Variants in SGCD observed in about 807,000 individuals in gnomAD.
SGCD encodes the protein sarcoglycan delta, also known as delta-sarcoglycan.
Under a neutral mutation model 36.6 loss-of-function variants are expected in SGCD, and 18 were observed. The observed-to-expected ratio is 0.49, with a 90% CI of 0.34 to 0.73. SGCD has a LOEUF of 0.73. Among genes scored for constraint, SGCD ranks in the 30% least tolerant of loss-of-function variants. The pLI, the probability that SGCD is intolerant of heterozygous loss-of-function variation, is 0.01. For synonymous variants in SGCD, 133 were observed against 130.6 expected (o/e 1.02, Z -0.12); for missense variants, 387 against 346.7 (o/e 1.12, Z -0.92).
At chr5:156,441,239 G>A (rs1753478727) in intron 3 of SGCD, among the ~76,000 whole-genome samples, 1 of 152,124 alleles carries the variant, frequency 6.6e-6, no homozygotes, top group Non-Finnish European at 1.5e-5. Context: ...CCTCTAACAA[G>A]CGTAATACAT....
intron 1 of SGCD, among the ~76,000 whole-genome samples, chr5:156,019,632 A>AT (rs1001497243): frequency 6.6e-6 from 1 of 152,214 alleles, no homozygotes; most frequent in Non-Finnish European, 1.5e-5. Context: ...CAGCATACAC[A>AT]TTATATCAGA....
At chr5:156,020,839 G>C (rs1759080855) in intron 1 of SGCD, among the ~76,000 whole-genome samples, 1 of 152,146 alleles carries the variant, frequency 6.6e-6, no homozygotes, top group African/African-American at 2.4e-5. Flanking sequence ...TTTCACAGTT[G>C]ATGTGCAGTT....
At chr5:155,794,415 G>A in the SGCD span, among the ~76,000 whole-genome samples, 9 of 152,078 alleles carry the variant, frequency 5.9e-5, no homozygotes, top group East Asian at 1.9e-4. Flanking sequence ...AAATGACTAC[G>A]ATTTGTGCAT....
intron 7 of SGCD, among the ~76,000 whole-genome samples, chr5:156,735,270 C>A (rs141475895): frequency 6.6e-6 from 1 of 152,234 alleles, no homozygotes; most frequent in East Asian, 1.9e-4. Context: ...GGGTCAGGGA[C>A]CTTCTGTGCT....
chr5:156,492,575 A>C (rs1755993826), intron 3 of SGCD, among the ~76,000 whole-genome samples: 1 of 152,120 alleles, frequency 6.6e-6, no homozygotes, highest in Non-Finnish European at 1.5e-5. Flanking sequence ...TTTTTTAAAA[A>C]TTATTATACT....
intron 3 of SGCD, among the ~76,000 whole-genome samples, chr5:156,354,074 A>G (rs1769385565): frequency 6.6e-6 from 1 of 152,252 alleles, no homozygotes; most frequent in Admixed American, 6.5e-5. Context: ...GAATAAAACA[A>G]TTCTATACTT....
chr5:156,051,830 T>C (rs1180985791), intron 1 of SGCD, among the ~76,000 whole-genome samples: 1 of 145,780 alleles, frequency 6.9e-6, no homozygotes. Context: ...CCTGTCTGTA[T>C]GTTTTAGTGC....
chr5:156,703,477 A>G (rs1022948551), intron 7 of SGCD, among the ~76,000 whole-genome samples: 3 of 151,576 alleles, frequency 2.0e-5, no homozygotes, highest in African/African-American at 4.8e-5. Flanking sequence ...TGGCATTTGG[A>G]AAGCTTTTTG....
At chr5:155,775,389 T>C in the SGCD span, among the ~76,000 whole-genome samples, 3 of 152,108 alleles carry the variant, frequency 2.0e-5, no homozygotes, top group African/African-American at 7.2e-5. Flanking sequence ...ACTTTTTAAA[T>C]GCTCACAAGA....
chr5:156,536,876 G>A (rs899767699), intron 4 of SGCD, among the ~76,000 whole-genome samples: 4 of 152,120 alleles, frequency 2.6e-5, no homozygotes, highest in African/African-American at 9.7e-5. Flanking sequence ...CTCTGCCTTT[G>A]GTTGTCTGGG....
At chr5:156,141,499 A>G (rs1303772816) in intron 3 of SGCD, among the ~76,000 whole-genome samples, 2 of 152,254 alleles carry the variant, frequency 1.3e-5, no homozygotes, top group African/African-American at 4.8e-5. Context: ...GGCAGAGGGC[A>G]GGACACAGGG....
At chr5:155,797,279 A>G in the SGCD span, among the ~76,000 whole-genome samples, 49 of 152,326 alleles carry the variant, frequency 3.2e-4, no homozygotes, top group African/African-American at 1.1e-3. Context: ...GAAATAATGA[A>G]TCTTCACAAT....
chr5:155,824,886 A>C, the SGCD span, among the ~76,000 whole-genome samples: 3 of 152,220 alleles, frequency 2.0e-5, no homozygotes, highest in African/African-American at 4.8e-5. Context: ...ATCAGTAAAA[A>C]TTAGAGGACA....
chr5:155,817,583 C>T, the SGCD span, among the ~76,000 whole-genome samples: 2 of 151,950 alleles, frequency 1.3e-5, no homozygotes, highest in African/African-American at 4.8e-5. Flanking sequence ...ATGTTACTCT[C>T]ATTTGCCTTT....
At chr5:156,123,625 T>C (rs1013163906) in intron 2 of SGCD, among the ~76,000 whole-genome samples, 8 of 152,162 alleles carry the variant, frequency 5.3e-5, no homozygotes, top group Non-Finnish European at 1.2e-4. Flanking sequence ...ATTTGATTTG[T>C]TAAGTCCTAA....
chr5:156,287,835 C>A (rs575424892), intron 3 of SGCD, among the ~76,000 whole-genome samples: 1 of 151,968 alleles, frequency 6.6e-6, no homozygotes, highest in Non-Finnish European at 1.5e-5. Flanking sequence ...GAAATTTGAG[C>A]CTGCAGTGAG....
chr5:156,437,647 C>T (rs1433678595), intron 3 of SGCD, among the ~76,000 whole-genome samples: 1 of 152,050 alleles, frequency 6.6e-6, no homozygotes, highest in Non-Finnish European at 1.5e-5. Context: ...AAAACAGAGT[C>T]CCGGTAACAG....
intron 1 of SGCD, among the ~76,000 whole-genome samples, chr5:155,926,922 G>A (rs1157013573): frequency 6.6e-6 from 1 of 152,108 alleles, no homozygotes; most frequent in Non-Finnish European, 1.5e-5. Flanking sequence ...GTAGTACCTT[G>A]GCAATGTCCA....
the SGCD span, among the ~76,000 whole-genome samples, chr5:155,772,419 G>A: frequency 6.6e-6 from 1 of 152,152 alleles, no homozygotes; most frequent in African/African-American, 2.4e-5. Flanking sequence ...AGTGAATAAG[G>A]TAAAGAGCAG....
Sources: gnomAD v4.1 joint callset for allele counts (sites outside exome capture counted in the v4.1 genomes callset) on GRCh38, gnomAD v4.1.1 for gene constraint, MANE v1.5 for transcripts, NCBI Gene and HGNC (gene_info 2026-07-23, HGNC 2026-07-21) for gene names.